The following ROPN1L variants were observed in gnomAD, a reference collection of about 807,000 sequenced individuals.
ROPN1L encodes the protein rhophilin associated tail protein 1 like.
In ROPN1L, 23 loss-of-function variants were observed where a neutral mutation model predicts 22.7. The ratio of observed to expected loss-of-function variants is 1.01; its 90% CI spans 0.73 to 1.43. The LOEUF is 1.43. ROPN1L is among the 40% of genes most tolerant of loss of function. ROPN1L has a pLI of 0.00. For synonymous variants in ROPN1L, 116 were observed against 117.8 expected (o/e 0.98, Z 0.10); for missense variants, 271 against 291.5 (o/e 0.93, Z 0.51).
intron 4 of ROPN1L, among the ~76,000 whole-genome samples, chr5:10,463,058 A>C (rs2126469378): frequency 6.6e-6 from 1 of 152,324 alleles, no homozygotes; most frequent in East Asian, 1.9e-4. Flanking sequence ...CATTGACATC[A>C]GCCACGCAAT....
intron 4 of ROPN1L, among the ~76,000 whole-genome samples, chr5:10,462,577 G>A (rs1361534325): frequency 6.6e-6 from 1 of 152,168 alleles, no homozygotes; most frequent in Non-Finnish European, 1.5e-5. Context: ...ATGTCAGGTG[G>A]TACTAAATTG....
At chr5:10,455,714 A>G (rs1327060188) in intron 3 of ROPN1L, among the ~76,000 whole-genome samples, 1 of 152,012 alleles carries the variant, frequency 6.6e-6, no homozygotes, top group Non-Finnish European at 1.5e-5. Context: ...GTTTTAAATT[A>G]GGAAACTCTA....
intron 3 of ROPN1L, among the ~76,000 whole-genome samples, chr5:10,459,737 C>T (rs1444934573): frequency 6.6e-6 from 1 of 152,214 alleles, no homozygotes; most frequent in Admixed American, 6.5e-5. Context: ...TTGAAAATGT[C>T]ATCCTCCACC....
the ROPN1L span, among the ~76,000 whole-genome samples, chr5:10,480,252 A>AT: frequency 1.3e-5 from 2 of 152,270 alleles, no homozygotes; most frequent in South Asian, 2.1e-4. Context: ...AGACTGATAG[A>AT]TTTTTTTCAT....
downstream of ROPN1L, among the ~76,000 whole-genome samples, chr5:10,474,253 C>T (rs140483691): frequency 3.6e-3 from 555 of 152,174 alleles, 3 homozygotes; most frequent in African/African-American, 0.013. Flanking sequence ...TTCAAGATTC[C>T]GTCCACTGGC....
intron 3 of ROPN1L, among the ~76,000 whole-genome samples, chr5:10,451,969 T>TATCTAATCC (rs1561170899): frequency 6.6e-6 from 1 of 151,196 alleles, no homozygotes; most frequent in Non-Finnish European, 1.5e-5. Context: ...CTATCTAATC[T>TATCTAATCC]ATCTATCTAT....
At chr5:10,465,951 G>T (rs1246706254), downstream of ROPN1L, among the ~76,000 whole-genome samples, 1 of 152,178 alleles carries the variant, frequency 6.6e-6, no homozygotes, top group East Asian at 1.9e-4. Flanking sequence ...GGCATTGGCA[G>T]CTGAGGCTGC....
chr5:10,449,152 T>G (rs1271272837), intron 2 of ROPN1L, among the ~76,000 whole-genome samples: 1 of 152,238 alleles, frequency 6.6e-6, no homozygotes, highest in Admixed American at 6.5e-5. Flanking sequence ...ATGCTGAAAT[T>G]GCTCAAAGCC....
chr5:10,442,061 C>T lies in ROPN1L; in HGVS notation c.-107C>T, dbSNP rs2126419035. The T allele has an allele frequency of 6.7e-7, 1 of 1,487,580 alleles. No individual in the cohort carries two copies. The highest frequency in any genetic ancestry group is 2.3e-5 in the East Asian group (1 of 43,556). 92.1% of individuals were successfully genotyped at this position (1,487,580 alleles called of 1,614,324 possible). ...GGAACGGGATGGGAGGCGGCCCTGG[C>T]CGCAAGCCCCGCGCTGCTAGCGGGT... On this transcript the variant is annotated 5_prime_UTR_variant, in exon 1 of 5. Coordinates refer to ENST00000274134, the MANE Select transcript of ROPN1L (RefSeq NM_031916.5).
downstream of ROPN1L, among the ~76,000 whole-genome samples, chr5:10,472,892 G>A (rs186941131): frequency 6.6e-6 from 1 of 152,208 alleles, no homozygotes; most frequent in Admixed American, 6.5e-5. Context: ...GGTCCTGCTT[G>A]CCCTGCTCTC....
Position 10,448,302 on chromosome 5 carries a change from G to C in ROPN1L, c.174G>C (p.Lys58Asn). ...ALSRGDPLPV[K>N]DRMEMPTATQ... The stretch of plus-strand genomic sequence containing the variant: ...CGAGAGGAGATCCACTTCCTGTAAA[G>C]GACAGAATGGAAATGCCCACGGCAA... The change falls in exon 2 of 5, where the codon AAG becomes AAC. Residue 58 changes from lysine (K) to asparagine (N), a missense_variant. By Grantham distance (94) the Lys-to-Asn change is moderately conservative (BLOSUM62 0). Transcript: ENST00000274134. 1.2e-6 allele frequency: 2 copies of C among 1,614,160 alleles called. No individual in the cohort carries two copies. The highest frequency in any genetic ancestry group is 8.5e-7 in the Non-Finnish European group (1 of 1,180,012).
intron 3 of ROPN1L, among the ~76,000 whole-genome samples, chr5:10,450,535 G>A (rs1359840143): frequency 2.0e-5 from 3 of 152,058 alleles, no homozygotes; most frequent in Non-Finnish European, 4.4e-5. Flanking sequence ...TTTTGCTGTT[G>A]TTGCCCAGGC....
intron 4 of ROPN1L, among the ~76,000 whole-genome samples, chr5:10,463,241 T>G (rs575658075): frequency 2.3e-3 from 355 of 152,344 alleles, no homozygotes; most frequent in Non-Finnish European, 3.5e-3. Flanking sequence ...ACAAGATTAA[T>G]GAATCCTCCC....
chr5:10,474,053 G>A (rs914282151), downstream of ROPN1L, among the ~76,000 whole-genome samples: 1 of 151,818 alleles, frequency 6.6e-6, no homozygotes, highest in Non-Finnish European at 1.5e-5. Context: ...TCAGGAGGCT[G>A]AGGCACAAAA....
intron 3 of ROPN1L, among the ~76,000 whole-genome samples, 181 bp from the exon 4 acceptor site, chr5:10,461,003 C>G (rs915130948): frequency 9.2e-5 from 14 of 152,192 alleles, no homozygotes; most frequent in Admixed American, 9.2e-4. Flanking sequence ...TCGAACCTTT[C>G]CTTTTCATTT....
chr5:10,469,286 G>A (rs73049470), downstream of ROPN1L, among the ~76,000 whole-genome samples: 968 of 149,768 alleles, frequency 6.5e-3, 9 homozygotes, highest in African/African-American at 0.022. Flanking sequence ...ACCAGCCCTA[G>A]CAATGGAGTG....
rs754049057 is a variant in ROPN1L at position 10,448,327 on chromosome 5, A to T, written c.199A>T (p.Thr67Ser). Residue 67 changes from threonine (T) to serine (S), a missense_variant, in exon 2 of 5, where the codon ACC becomes TCC. Coordinates refer to ENST00000274134, the MANE Select transcript of ROPN1L (RefSeq NM_031916.5). ...GGACAGAATGGAAATGCCCACGGCAACCCAGAAAACAGACACAGGCCTGAC... is the reference window on the plus strand; with the variant it reads ...GGACAGAATGGAAATGCCCACGGCATCCCAGAAAACAGACACAGGCCTGAC... ...VKDRMEMPTA[T>S]QKTDTGLTQG... The T allele has an allele frequency of 6.8e-6, 11 of 1,614,220 alleles. No homozygotes were observed. The highest frequency in any genetic ancestry group is 2.5e-6 in the Non-Finnish European group (3 of 1,180,038).
In ROPN1L at chr5:10,449,965, G is replaced by A. The variant is rs548833734; in HGVS notation, c.269G>A (p.Arg90Gln). 52 of 1,609,822 alleles carry A rather than the reference G, an allele frequency of 3.2e-5. No individual in the cohort carries two copies. In the South Asian group the frequency reaches 3.9e-4, roughly 12 times the overall value. The change falls in exon 3 of 5, where the codon CGG becomes CAG. Residue 90 changes from arginine (R) to glutamine (Q), a missense_variant. Coordinates refer to ENST00000274134, the MANE Select transcript of ROPN1L (RefSeq NM_031916.5). ...KVLHKQCHHK[R>Q]YVELTDLEQK... is the part of the protein sequence containing the mutation. ...TTTTCCAAACAGTGTCACCACAAGCGGTATGTGGAATTAACAGATCTTGAG... is the reference window on the plus strand; with the variant it reads ...TTTTCCAAACAGTGTCACCACAAGCAGTATGTGGAATTAACAGATCTTGAG...
intron 4 of ROPN1L, 134 bp from the exon 5 acceptor site, chr5:10,464,713 AG>A (rs1735119223): frequency 1.9e-6 from 1 of 534,050 alleles, no homozygotes. Context: ...TATTTTTGGA[AG>A]TAAGAATTAC....
Sources: allele counts gnomAD v4.1 joint callset (sites outside exome capture counted in the v4.1 genomes callset), GRCh38; gene constraint gnomAD v4.1.1; transcripts MANE v1.5; gene names NCBI Gene and HGNC (gene_info 2026-07-23, HGNC 2026-07-21).